Variants in THUMPD2 observed in about 807,000 individuals in gnomAD.
THUMPD2 encodes THUMP domain 2 tRNA and snRNA guanosine methyltransferase.
Under a neutral mutation model 49.4 loss-of-function variants are expected in THUMPD2, and 56 were observed. The ratio of observed to expected loss-of-function variants is 1.13; its 90% CI spans 0.91 to 1.41. The LOEUF (loss-of-function observed/expected upper bound fraction) is 1.41. Ranked by LOEUF, THUMPD2 falls within the 40% of genes most tolerant of loss-of-function variation. The probability of loss-of-function intolerance (pLI) is 0.00; values close to 1 mark genes in which losing one functional copy is unlikely to be tolerated. For missense variants in THUMPD2, 709 were observed against 594.5 expected, an observed-to-expected ratio of 1.19 and a Z score of -2.00; for synonymous variants, 237 against 205.2, an observed-to-expected ratio of 1.15 and a Z score of -1.32.
rs75151887 is a variant in THUMPD2, at chr2:39,739,582, G to C, written c.1188-2523C>G. Among the ~76,000 whole-genome samples the C allele has an allele frequency of 9.1e-4, 138 of 152,318 alleles. 1 individual carries two copies. The East Asian group carries it at 0.024, about 26-fold the overall frequency. On this transcript the variant is annotated intron_variant, in intron 9 of 9. Coordinates refer to ENST00000505747, the MANE Select transcript of THUMPD2 (RefSeq NM_025264.5). The stretch of plus-strand genomic sequence containing the variant: ...TGTCTTCTCACAATGAATGGTCAGA[G>C]ACCTTGCCTGTCGTATTCACTGCTG...
intron 4 of THUMPD2, among the ~76,000 whole-genome samples, chr2:39,768,039 T>C (rs1347128006): frequency 1.3e-5 from 2 of 152,202 alleles, no homozygotes; most frequent in Non-Finnish European, 2.9e-5. Context: ...ACTATTAACA[T>C]ACTATTGAAT....
chr2:39,768,979 C>A lies in THUMPD2; in HGVS notation c.673-478G>T, dbSNP rs560721870. On this transcript the variant is annotated intron_variant, in intron 3 of 9. Coordinates refer to ENST00000505747, the MANE Select transcript of THUMPD2 (RefSeq NM_025264.5). The stretch of plus-strand genomic sequence containing the variant: ...TTAACATCACTGAACTTTGTAAGGG[C>A]CAACTGATGAGGTCTGGTGATGGCA... The A allele has an allele frequency of 1.5e-5, 19 of 1,304,466 alleles. No homozygotes were observed. The South Asian group carries it at 2.2e-4, about 15-fold the overall frequency. The allele number at this position is 1,304,466 out of a possible 1,614,324, so 80.8% of individuals were successfully genotyped here. A position where few individuals can be genotyped will look rare whatever the true frequency, so the allele number is the denominator to read the frequency against.
chr2:39,744,888 G>A (rs1309354847), intron 8 of THUMPD2, among the ~76,000 whole-genome samples: 1 of 152,140 alleles, frequency 6.6e-6, no homozygotes, highest in Non-Finnish European at 1.5e-5. Flanking sequence ...TTTTGAGGGA[G>A]AGGATCCATA....
At position 39,765,613 on chromosome 2, in the gene THUMPD2, A is replaced by G. The variant is rs568736634; in HGVS notation, c.803+444T>C. Among the ~76,000 whole-genome samples the G allele has an allele frequency of 3.7e-4, 57 of 152,206 alleles. 1 individual carries two copies. The South Asian group carries it at 0.012, about 31-fold the overall frequency. On this transcript the variant is annotated intron_variant, in intron 5 of 9. Coordinates refer to ENST00000505747, the MANE Select transcript of THUMPD2 (RefSeq NM_025264.5). Reference sequence around the variant, plus strand: ...TTTGTCTTGGTGATCATCAATAATTATACTTAATATAATTGCTAAAATATG... The same window carrying G: ...TTTGTCTTGGTGATCATCAATAATTGTACTTAATATAATTGCTAAAATATG...
rs74337735 is a variant in THUMPD2, at chr2:39,743,363, T to A, written c.1187+1007A>T. Among the ~76,000 whole-genome samples, 136 of 152,352 alleles carry A rather than the reference T, an allele frequency of 8.9e-4. 3 individuals are homozygous for A. In the East Asian group the frequency reaches 0.022, roughly 25 times the overall value. On this transcript the variant is annotated intron_variant, in intron 9 of 9. Transcript: ENST00000505747. ...ATCCATGACTCATTGTTTCAATCTCTCAAAGGAATGCTTCCACTGAATTAT... is the reference window on the plus strand; with the variant it reads ...ATCCATGACTCATTGTTTCAATCTCACAAAGGAATGCTTCCACTGAATTAT...
intron 6 of THUMPD2, among the ~76,000 whole-genome samples, chr2:39,758,182 A>G (rs1676379766): frequency 2.0e-5 from 3 of 152,208 alleles, no homozygotes; most frequent in Non-Finnish European, 4.4e-5. Flanking sequence ...TGATTATATA[A>G]ATTTATATTT....
Position 39,736,580 on chromosome 2 carries a change from T to G in THUMPD2, c.*155A>C, listed in dbSNP as rs1214107087. On this transcript the variant is annotated 3_prime_UTR_variant, in exon 10 of 10. Coordinates refer to ENST00000505747, the MANE Select transcript of THUMPD2 (RefSeq NM_025264.5). ...CTTTAGAATATAAAGCAGAAACTCTTACCAAGCATGTGTACCCATCAGCCA... is the reference window on the plus strand; with the variant it reads ...CTTTAGAATATAAAGCAGAAACTCTGACCAAGCATGTGTACCCATCAGCCA... 3.6e-6 allele frequency: 2 copies of G among 559,328 alleles called. No homozygotes were observed. The highest frequency in any genetic ancestry group is 6.1e-6 in the Non-Finnish European group (2 of 327,800). 34.6% of individuals were successfully genotyped at this position (559,328 alleles called of 1,614,324 possible). A position where few individuals can be genotyped will look rare whatever the true frequency, so the allele number is the denominator to read the frequency against.
At position 39,736,420 on chromosome 2, in the gene THUMPD2, G is replaced by A. The variant is rs1673086118; in HGVS notation, c.*315C>T. On this transcript the variant is annotated 3_prime_UTR_variant, in exon 10 of 10. Transcript: ENST00000505747. ...CTGGTGTTGATTGTGATACACTTAA[G>A]TGAACCCCTGAAAACCTTTATTTTG... 1 of 214,294 alleles carries A rather than the reference G, an allele frequency of 4.7e-6. No individual in the cohort carries two copies. The highest frequency in any genetic ancestry group is 2.3e-5 in the African/African-American group (1 of 43,730). 13.3% of individuals were successfully genotyped at this position (214,294 alleles called of 1,614,324 possible).
At chr2:39,754,604 C>T (rs1442116520) in intron 8 of THUMPD2, among the ~76,000 whole-genome samples, 1 of 152,128 alleles carries the variant, frequency 6.6e-6, no homozygotes, top group Non-Finnish European at 1.5e-5. Flanking sequence ...GAGACATATA[C>T]TGGGGGAATA....
chr2:39,739,468 C>G (rs1426709098), intron 9 of THUMPD2, among the ~76,000 whole-genome samples: 1 of 152,198 alleles, frequency 6.6e-6, no homozygotes, highest in South Asian at 2.1e-4. Flanking sequence ...CTACTTTTCT[C>G]TCACTCTAAA....
Position 39,769,733 on chromosome 2 carries a change from T to C in THUMPD2, c.649A>G (p.Ile217Val), listed in dbSNP as rs1304104612. 1.1e-5 allele frequency: 17 copies of C among 1,575,306 alleles called. No homozygotes were observed. Among genetic ancestry groups the C allele is most frequent in the African/African-American group, 2.8e-5 (2 of 71,890 alleles). ...ACCTGTGCAGTGAAGGCCTTTCCAA[T>C]AGTTCCACTGCAGCGACAAGATACT... ...FRVSCRCSGT[I>V]GKAFTAQEVG... is the part of the protein sequence containing the mutation. The change falls in exon 3 of 10, where the codon ATT (isoleucine) becomes GTT (valine). Residue 217 changes from isoleucine to valine, a missense_variant. Ile to Val is a conservative substitution (Grantham distance 29). Transcript: ENST00000505747.
intron 8 of THUMPD2, among the ~76,000 whole-genome samples, chr2:39,749,942 T>C (rs1453948237): frequency 6.6e-6 from 1 of 152,256 alleles, no homozygotes; most frequent in Admixed American, 6.5e-5. Context: ...TTCCTTTTTA[T>C]GTTTACACAG....
rs1673442978 is a variant in THUMPD2, at chr2:39,738,495, C to A, written c.1188-1436G>T. 2.6e-5 allele frequency among the ~76,000 whole-genome samples: 4 copies of A among 151,950 alleles called. No individual in the cohort carries two copies. In the South Asian group the frequency reaches 8.3e-4, roughly 32 times the overall value. ...GGGAGGACTGCTTGAGCCCAGGGGGCAGAGGTTGCAGTGAGCTGAGATTGC... is the reference window on the plus strand; with the variant it reads ...GGGAGGACTGCTTGAGCCCAGGGGGAAGAGGTTGCAGTGAGCTGAGATTGC... On this transcript the variant is annotated intron_variant, in intron 9 of 9. Transcript: ENST00000505747.
chr2:39,779,161 C>T lies in THUMPD2; in HGVS notation c.79G>A (p.Glu27Lys), dbSNP rs1180393156. The change falls in exon 1 of 10, where the codon GAG becomes AAG. Residue 27 changes from glutamate (E) to lysine (K), a missense_variant. Physicochemically the swap from Glu to Lys is moderately conservative, Grantham distance 56 (BLOSUM62 1). Transcript: ENST00000505747. ...CGCACCTCTCGCATTACGAACGGCT[C>T]CAGGCCGCGACCCGCAGTGCAGAAG... ...RFFCTAGRGL[E>K]PFVMREVRAR... is the part of the protein sequence containing the mutation. The T allele has an allele frequency of 1.3e-6, 2 of 1,521,484 alleles. No individual in the cohort carries two copies. Among genetic ancestry groups the T allele is most frequent in the Non-Finnish European group, 1.8e-6 (2 of 1,140,046 alleles). The allele number at this position is 1,521,484 out of a possible 1,614,324, so 94.2% of individuals were successfully genotyped here.
chr2:39,740,968 T>C (rs1419909687), intron 9 of THUMPD2, among the ~76,000 whole-genome samples: 1 of 152,168 alleles, frequency 6.6e-6, no homozygotes, highest in Non-Finnish European at 1.5e-5. Flanking sequence ...CACCCCAGCA[T>C]CTTGAGTTGC....
At chr2:39,741,483 G>T (rs1310348769) in intron 9 of THUMPD2, among the ~76,000 whole-genome samples, 1 of 152,040 alleles carries the variant, frequency 6.6e-6, no homozygotes, top group Non-Finnish European at 1.5e-5. Context: ...AAGCCTCTTT[G>T]GCACACAATG....
At position 39,744,410 on chromosome 2, in the gene THUMPD2, A is replaced by G; in HGVS notation, c.1147T>C (p.Leu383=). 1 of 1,588,120 alleles carries G rather than the reference A, an allele frequency of 6.3e-7. No homozygotes were observed. Among genetic ancestry groups the G allele is most frequent in the Non-Finnish European group, 8.5e-7 (1 of 1,170,868 alleles). ...AGAATGCTTTTGATGTCTTTTCCTA[A>G]CTTAAACTTTTTCCCAAATGGAATG... ...SDIPFGKKFK[L]GKDIKSILQE... is the part of the protein sequence containing the mutation. Residue 383 remains leucine, a synonymous_variant, in exon 9 of 10, where the codon TTA becomes CTA. Coordinates refer to ENST00000505747, the MANE Select transcript of THUMPD2 (RefSeq NM_025264.5).
chr2:39,748,732 G>A (rs1674948791), intron 8 of THUMPD2, among the ~76,000 whole-genome samples: 1 of 151,912 alleles, frequency 6.6e-6, no homozygotes, highest in African/African-American at 2.4e-5. Flanking sequence ...GCTCACACCT[G>A]TAATCCCAGC....
At chr2:39,775,909 A>G (rs1679034456) in intron 1 of THUMPD2, among the ~76,000 whole-genome samples, 1 of 152,112 alleles carries the variant, frequency 6.6e-6, no homozygotes, top group South Asian at 2.1e-4. Flanking sequence ...ATTACCCTCG[A>G]CTGTGATGCC....
Sources: allele counts gnomAD v4.1 joint callset (sites outside exome capture counted in the v4.1 genomes callset), GRCh38; gene constraint gnomAD v4.1.1; transcripts MANE v1.5; gene names NCBI Gene and HGNC (gene_info 2026-07-23, HGNC 2026-07-21).